Variants in TSNARE1 observed in about 807,000 individuals in gnomAD.
TSNARE1 encodes t-SNARE domain containing 1.
Under a neutral mutation model 62.0 loss-of-function variants are expected in TSNARE1, and 49 were observed. The observed-to-expected ratio is 0.79, with a 90% confidence interval of 0.63 to 1.00. The LOEUF is 1.00. TSNARE1 is among the 50% of genes least tolerant of loss of function. The pLI is 0.00. For synonymous variants in TSNARE1, 328 were observed against 294.4 expected, an observed-to-expected ratio of 1.11 and a Z score of -1.17; for missense variants, 755 against 700.1, an observed-to-expected ratio of 1.08 and a Z score of -0.88.
chr8:142,365,931 C>T (rs1169087840), intron 1 of TSNARE1: 1 of 451,948 alleles, frequency 2.2e-6, no homozygotes, highest in African/African-American at 2.0e-5. Flanking sequence ...GACAGGAACA[C>T]TCAAGACTGT....
chr8:142,351,710 T>C (rs549350658), intron 2 of TSNARE1, among the ~76,000 whole-genome samples: 36 of 152,294 alleles, frequency 2.4e-4, no homozygotes, highest in Non-Finnish European at 4.1e-4. Flanking sequence ...TTGAGAATTA[T>C]AGCAAAACTA....
At position 142,315,068 on chromosome 8, in the gene TSNARE1, G is replaced by T. The variant is rs756481116; in HGVS notation, c.1009C>A (p.Pro337Thr). The change falls in exon 8 of 14, where the codon CCT (proline) becomes ACT (threonine). Residue 337 changes from proline (P) to threonine (T), a missense_variant. Physicochemically the swap from Pro to Thr is conservative, Grantham distance 38. Transcript: ENST00000524325. ...TGGGTTTTCAGCCGGTCCAGCTGAG[G>T]ACGCTCCTGCTGCAGACGCTCCTGC... ...CPQERLQQER[P>T]QLDRLKTQLS... 6.2e-7 allele frequency: 1 copy of T among 1,613,948 alleles called. No individual in the cohort carries two copies. Among genetic ancestry groups the T allele is most frequent in the African/African-American group, 1.3e-5 (1 of 74,968 alleles).
intron 12 of TSNARE1, among the ~76,000 whole-genome samples, chr8:142,263,243 T>C (rs1818977427): frequency 6.6e-6 from 1 of 152,242 alleles, no homozygotes; most frequent in Admixed American, 6.5e-5. Flanking sequence ...TTGTAACAAA[T>C]ACTTTCTCAG....
intron 11 of TSNARE1, among the ~76,000 whole-genome samples, chr8:142,280,559 C>T (rs571564604): frequency 4.6e-5 from 7 of 152,340 alleles, no homozygotes; most frequent in African/African-American, 9.6e-5. Context: ...GCCCTGACCA[C>T]GTGTGGTGGG....
At chr8:142,295,129 C>T (rs912941837) in intron 10 of TSNARE1, among the ~76,000 whole-genome samples, 4 of 152,286 alleles carry the variant, frequency 2.6e-5, no homozygotes, top group African/African-American at 7.2e-5. Context: ...GGCAATGTTC[C>T]GGGACCCCTC....
Position 142,291,920 on chromosome 8 carries a change from G to A in TSNARE1, c.1291-7435C>T, listed in dbSNP as rs1397542591. Among the ~76,000 whole-genome samples the A allele has an allele frequency of 2.6e-5, 4 of 151,962 alleles. No individual in the cohort carries two copies. The highest frequency in any genetic ancestry group is 6.6e-5 in the Admixed American group (1 of 15,246). On this transcript the variant is annotated intron_variant, in intron 10 of 13. Coordinates refer to ENST00000524325, the MANE Select transcript of TSNARE1 (RefSeq NM_145003.5). This position sits in a 1 kb window ranked among gnomAD's most constrained non-coding sequence, Gnocchi z 4.8. The stretch of plus-strand genomic sequence containing the variant: ...GGAGAGGACAGTCCATTGGGAGTAC[G>A]GGGTCAGCTGCCTCTCCCGTGGACG...
At chr8:142,248,689 G>A (rs1226596589) in intron 12 of TSNARE1, among the ~76,000 whole-genome samples, 1 of 152,164 alleles carries the variant, frequency 6.6e-6, no homozygotes, top group Non-Finnish European at 1.5e-5. Flanking sequence ...TTACGGAGGT[G>A]GAGCTACTGA....
chr8:142,360,140 GCCC>G (rs1835042412), intron 1 of TSNARE1, among the ~76,000 whole-genome samples: 1 of 152,160 alleles, frequency 6.6e-6, no homozygotes, highest in Non-Finnish European at 1.5e-5. Flanking sequence ...ACGCGGTGGC[GCCC>G]CCAAGAACTC....
intron 12 of TSNARE1, among the ~76,000 whole-genome samples, chr8:142,252,806 T>C (rs1191730239): frequency 6.6e-6 from 1 of 151,986 alleles, no homozygotes; most frequent in Non-Finnish European, 1.5e-5. Context: ...CCATCCTGGC[T>C]CCCCTGTGGA....
intron 2 of TSNARE1, among the ~76,000 whole-genome samples, chr8:142,351,786 T>TC (rs1410807072): frequency 2.8e-4 from 42 of 152,338 alleles, no homozygotes; most frequent in African/African-American, 1.0e-3. Flanking sequence ...ATGAAAACTT[T>TC]ATCACAGAGC....
intron 4 of TSNARE1, among the ~76,000 whole-genome samples, chr8:142,339,446 G>A (rs990784102): frequency 6.6e-6 from 1 of 152,206 alleles, no homozygotes; most frequent in African/African-American, 2.4e-5. Flanking sequence ...GCCAGGGCGG[G>A]CAGGCAGGGG....
chr8:142,327,653 C>T (rs1830452059), intron 6 of TSNARE1, among the ~76,000 whole-genome samples: 1 of 152,240 alleles, frequency 6.6e-6, no homozygotes, highest in South Asian at 2.1e-4. Flanking sequence ...ATGGGATGAA[C>T]CGCACACATG....
intron 10 of TSNARE1, among the ~76,000 whole-genome samples, chr8:142,298,297 T>C (rs905039931): frequency 1.8e-4 from 28 of 152,162 alleles, no homozygotes; most frequent in African/African-American, 6.5e-4. Flanking sequence ...CCACACAGAG[T>C]GCCAGAGGGA....
At position 142,280,097 on chromosome 8, in the gene TSNARE1, G is replaced by C. The variant is rs141086701; in HGVS notation, c.1363+4316C>G. ...ATGCGGCTCCACACGCGGTGCTTTC[G>C]GGCAGGTGTGCCCCGCAGCGCCCCG... On this transcript the variant is annotated intron_variant, in intron 11 of 13. Coordinates refer to ENST00000524325, the MANE Select transcript of TSNARE1 (RefSeq NM_145003.5). 5 of 1,180,568 alleles carry C rather than the reference G, an allele frequency of 4.2e-6. No homozygotes were observed. The East Asian group carries it at 2.6e-4, about 62-fold the overall frequency. The allele number at this position is 1,180,568 out of a possible 1,614,324, so 73.1% of individuals were successfully genotyped here.
chr8:142,399,216 C>T (rs1838115453), intron 1 of TSNARE1, among the ~76,000 whole-genome samples: 2 of 152,234 alleles, frequency 1.3e-5, no homozygotes, highest in Non-Finnish European at 2.9e-5. Flanking sequence ...CCTATGGAAG[C>T]TTCCAGATGG....
intron 1 of TSNARE1, among the ~76,000 whole-genome samples, chr8:142,373,962 A>G (rs1218207891): frequency 1.3e-5 from 2 of 152,152 alleles, no homozygotes; most frequent in African/African-American, 4.8e-5. Context: ...GTGTGTGTGG[A>G]GCAAAGGGGA....
At chr8:142,294,850 T>C (rs1006773345) in intron 10 of TSNARE1, among the ~76,000 whole-genome samples, 6 of 152,154 alleles carry the variant, frequency 3.9e-5, no homozygotes, top group Admixed American at 2.6e-4. Context: ...TCAGACACAA[T>C]TGAAGCTCAC....
At chr8:142,302,200 G>A (rs952478822) in intron 9 of TSNARE1, among the ~76,000 whole-genome samples, 2 of 151,718 alleles carry the variant, frequency 1.3e-5, no homozygotes, top group African/African-American at 4.9e-5. Flanking sequence ...GACCCATGGC[G>A]CCCTCAGCCC....
intron 9 of TSNARE1, among the ~76,000 whole-genome samples, chr8:142,305,891 G>A (rs1826588108): frequency 6.6e-6 from 1 of 152,216 alleles, no homozygotes; most frequent in Non-Finnish European, 1.5e-5. Context: ...GAGTGCTGGA[G>A]ACAGGGCACA....
Sources: gnomAD v4.1 joint callset for allele counts (sites outside exome capture counted in the v4.1 genomes callset) on GRCh38, gnomAD v4.1.1 for gene constraint, Gnocchi (gnomAD v3.1) non-coding constraint, MANE v1.5 for transcripts, NCBI Gene and HGNC (gene_info 2026-07-23, HGNC 2026-07-21) for gene names.